Variants in TIAM1 observed in about 807,000 individuals in gnomAD.
The protein encoded by TIAM1 is rho guanine nucleotide exchange factor TIAM1.
In TIAM1, 65 loss-of-function variants were observed where a neutral mutation model predicts 163.5. That is an observed-to-expected ratio of 0.40 (90% CI 0.33 to 0.49). TIAM1 has a LOEUF of 0.49. Among genes scored for constraint, TIAM1 ranks in the 20% least tolerant of loss-of-function variants. TIAM1 has a pLI of 0.77. For missense variants in TIAM1, 1,789 were observed against 2,044.7 expected (o/e 0.87, Z 2.41); for synonymous variants, 833 against 810.1 (o/e 1.03, Z -0.48).
chr21:31,281,203 T>G (rs1241974908), intron 2 of TIAM1, among the ~76,000 whole-genome samples: 2 of 152,086 alleles, frequency 1.3e-5, no homozygotes, highest in African/African-American at 2.4e-5. Context: ...GATACTGTAT[T>G]GTATTTGCCC....
At chr21:31,475,418 G>A (rs1224854583) in intron 1 of TIAM1, among the ~76,000 whole-genome samples, 1 of 152,172 alleles carries the variant, frequency 6.6e-6, no homozygotes, top group Non-Finnish European at 1.5e-5. Context: ...CTCTTCATCA[G>A]CTACATAGGG....
chr21:31,227,566 T>G (rs2088060420), intron 6 of TIAM1, among the ~76,000 whole-genome samples: 1 of 151,972 alleles, frequency 6.6e-6, no homozygotes, highest in African/African-American at 2.4e-5. Flanking sequence ...ATAAAGCAAA[T>G]GGAATCACTT....
chr21:31,189,183 T>A (rs1200624644), intron 13 of TIAM1, among the ~76,000 whole-genome samples: 1 of 149,822 alleles, frequency 6.7e-6, no homozygotes, highest in Non-Finnish European at 1.5e-5. Context: ...GCCTCCCTAG[T>A]AGCTGGGATT....
intron 16 of TIAM1, 74 bp from the exon 17 acceptor site, chr21:31,154,500 T>C: frequency 1.4e-6 from 2 of 1,480,768 alleles, no homozygotes; most frequent in South Asian, 1.3e-5. Context: ...CTGGACCGCC[T>C]AGAGGTGTTC....
At chr21:31,247,385 T>C (rs898258847) in intron 5 of TIAM1, among the ~76,000 whole-genome samples, 7 of 152,072 alleles carry the variant, frequency 4.6e-5, no homozygotes, top group African/African-American at 1.7e-4. Flanking sequence ...TGCAGGGTTA[T>C]TTTTATTTTT....
chr21:31,250,209 A>C (rs992337249), intron 5 of TIAM1, among the ~76,000 whole-genome samples: 1 of 152,030 alleles, frequency 6.6e-6, no homozygotes, highest in Non-Finnish European at 1.5e-5. Flanking sequence ...GAGCAACAAA[A>C]CTTCAGAAGG....
chr21:31,371,201 G>T (rs1363833025), intron 2 of TIAM1, among the ~76,000 whole-genome samples: 1 of 152,186 alleles, frequency 6.6e-6, no homozygotes, highest in African/African-American at 2.4e-5. Context: ...GACTGGAAAA[G>T]AAAACCCCAG....
intron 8 of TIAM1, among the ~76,000 whole-genome samples, chr21:31,220,971 T>G (rs528466458): frequency 6.6e-6 from 1 of 152,322 alleles, no homozygotes; most frequent in Non-Finnish European, 1.5e-5. Context: ...CAGTGAATGC[T>G]ACTTCAATTG....
chr21:31,221,737 G>A (rs942101419), intron 8 of TIAM1, among the ~76,000 whole-genome samples: 7 of 152,188 alleles, frequency 4.6e-5, no homozygotes, highest in South Asian at 2.1e-4. Context: ...ATGACATCAC[G>A]AGTTCCCTTC....
intron 1 of TIAM1, among the ~76,000 whole-genome samples, chr21:31,507,068 T>C (rs2047052884): frequency 3.3e-5 from 5 of 152,010 alleles, no homozygotes; most frequent in Admixed American, 3.3e-4. Flanking sequence ...GGTATGCAAA[T>C]ATCTCTCTAA....
intron 1 of TIAM1, among the ~76,000 whole-genome samples, chr21:31,466,628 C>T (rs1200996323): frequency 1.3e-5 from 2 of 152,154 alleles, no homozygotes; most frequent in African/African-American, 4.8e-5. Flanking sequence ...CCCAAGGCAA[C>T]AGGGAAGTAC....
intron 20 of TIAM1, among the ~76,000 whole-genome samples, chr21:31,144,338 G>A (rs906680991): frequency 1.3e-5 from 2 of 152,168 alleles, no homozygotes; most frequent in Non-Finnish European, 2.9e-5. Flanking sequence ...AAATATTCTC[G>A]TCCAAAAATA....
rs1293490694 is a variant in TIAM1 at position 31,223,594 on chromosome 21, A to G, written c.1810-3T>C. ...AGATTTTGCTCCCAGACAAAGATCTATGGTAGTGAAAACACGGGAAAAGAA... is the reference window on the plus strand; with the variant it reads ...AGATTTTGCTCCCAGACAAAGATCTGTGGTAGTGAAAACACGGGAAAAGAA... On this transcript the variant is annotated splice_polypyrimidine_tract_variant and splice_region_variant and intron_variant, in intron 7 of 27. Coordinates refer to ENST00000541036, the MANE Select transcript of TIAM1 (RefSeq NM_001353694.2). 2 of 1,584,594 alleles carry G rather than the reference A, an allele frequency of 1.3e-6. No individual in the cohort carries two copies. Among genetic ancestry groups the G allele is most frequent in the South Asian group, 1.1e-5 (1 of 87,692 alleles).
chr21:31,245,670 C>G lies in TIAM1; in HGVS notation c.1412-10G>C. ...AAAAATAGCGTGCATCCTGAGGAAA[C>G]AGAACAGGGGTGTGCATGAGTATTC... On this transcript the variant is annotated splice_polypyrimidine_tract_variant and intron_variant, in intron 5 of 27. Coordinates refer to ENST00000541036, the MANE Select transcript of TIAM1 (RefSeq NM_001353694.2). 6.4e-7 allele frequency: 1 copy of G among 1,562,226 alleles called. No individual in the cohort carries two copies. The highest frequency in any genetic ancestry group is 1.2e-5 in the South Asian group (1 of 82,026).
At position 31,422,417 on chromosome 21, in the gene TIAM1, G is replaced by A. The variant is rs181984846; in HGVS notation, c.-369+41566C>T. Among the ~76,000 whole-genome samples the A allele has an allele frequency of 1.2e-4, 18 of 152,198 alleles. No individual in the cohort carries two copies. The South Asian group carries it at 1.7e-3, about 14-fold the overall frequency. Reference sequence around the variant, plus strand: ...AAGCATTGGTGTGCATAAGCGTTACGTGGCAAGAGCATTAGAGTGCAGACT... The same window carrying A: ...AAGCATTGGTGTGCATAAGCGTTACATGGCAAGAGCATTAGAGTGCAGACT... On this transcript the variant is annotated intron_variant, in intron 2 of 28. Transcript: ENST00000286827.
At chr21:31,196,981 T>C (rs2085892090) in intron 12 of TIAM1, among the ~76,000 whole-genome samples, 1 of 152,110 alleles carries the variant, frequency 6.6e-6, no homozygotes, top group Non-Finnish European at 1.5e-5. Flanking sequence ...CTACGTGAAT[T>C]AACACAGGAA....
At chr21:31,235,804 C>T (rs2088719006) in intron 6 of TIAM1, among the ~76,000 whole-genome samples, 1 of 152,180 alleles carries the variant, frequency 6.6e-6, no homozygotes, top group Admixed American at 6.5e-5. Context: ...GAAGATCTAG[C>T]TCAACCACAA....
Position 31,526,033 on chromosome 21 carries a change from CAA to C in TIAM1, c.-422+32892_-422+32893del, listed in dbSNP as rs10706618. 4.5e-3 allele frequency among the ~76,000 whole-genome samples: 485 copies of C among 107,618 alleles called. 2 individuals are homozygous for C. Among genetic ancestry groups the C allele is most frequent in the South Asian group, 0.027 (87 of 3,224 alleles). The allele number at this position is 107,618 out of a possible 152,430, so 70.6% of individuals were successfully genotyped here. On this transcript the variant is annotated intron_variant, in intron 1 of 28. Coordinates refer to the TIAM1 transcript ENST00000286827. ...TGGGTGGCAGAGCAAGACTCCATCT[CAA>C]AAAAAAAAAAAAAAAAAAATTATCT...
chr21:31,123,589 T>C (rs1194447288), intron 27 of TIAM1, among the ~76,000 whole-genome samples: 2 of 152,170 alleles, frequency 1.3e-5, no homozygotes, highest in African/African-American at 4.8e-5. Context: ...AGGTTTTGTC[T>C]ATGAAAACCT....
Sources: gnomAD v4.1 joint callset for allele counts (sites outside exome capture counted in the v4.1 genomes callset) on GRCh38, gnomAD v4.1.1 for gene constraint, MANE v1.5 for transcripts, NCBI Gene and HGNC (gene_info 2026-07-23, HGNC 2026-07-21) for gene names.